CEP72: variants seen among roughly 807,000 people sequenced by gnomAD.
CEP72 encodes centrosomal protein of 72 kDa.
A neutral mutation model predicts 65.7 loss-of-function variants in CEP72; 78 were observed. The ratio of observed to expected loss-of-function variants is 1.19; its 90% confidence interval spans 0.99 to 1.43. The LOEUF is 1.43. CEP72 is among the 40% of genes most tolerant of loss of function. The pLI is 0.00. For missense variants in CEP72, 914 were observed against 832.9 expected, an observed-to-expected ratio of 1.10 and a Z score of -1.20; for synonymous variants, 358 against 351.7, an observed-to-expected ratio of 1.02 and a Z score of -0.20.
intron 11 of CEP72, among the ~76,000 whole-genome samples, chr5:648,648 CTG>C (rs377389987): frequency 0.028 from 2,839 of 99,964 alleles, 268 homozygotes; most frequent in African/African-American, 0.056. Flanking sequence ...TGAGGTGTGA[CTG>C]TGAGGTGTGA....
At chr5:633,074 T>C (rs530179613) in intron 4 of CEP72, among the ~76,000 whole-genome samples, 1 of 63,844 alleles carries the variant, frequency 1.6e-5, no homozygotes, top group Non-Finnish European at 2.8e-5. Flanking sequence ...TTCTGTCCAG[T>C]GCCGGGATTT....
chr5:636,037 A>G (rs984599318), intron 6 of CEP72, among the ~76,000 whole-genome samples: 4 of 151,912 alleles, frequency 2.6e-5, no homozygotes, highest in Non-Finnish European at 4.4e-5. Context: ...TTCACCTCTT[A>G]AAGGCCCTCC....
At chr5:665,938 C>CCA in intron 3 of CEP72, 1 of 1,366,608 alleles carries the variant, frequency 7.3e-7, no homozygotes, top group Admixed American at 2.2e-5. Flanking sequence ...CCACCCCCTC[C>CCA]AGGCCCCGCC....
intron 4 of CEP72, among the ~76,000 whole-genome samples, chr5:628,981 C>A (rs1737020917): frequency 6.7e-6 from 1 of 150,132 alleles, no homozygotes; most frequent in Non-Finnish European, 1.5e-5. Context: ...TTCCCAGGAC[C>A]CAGCCCCCTT....
At chr5:647,134 G>C (rs1322831543) in intron 10 of CEP72, among the ~76,000 whole-genome samples, 2 of 152,230 alleles carry the variant, frequency 1.3e-5, no homozygotes, top group African/African-American at 4.8e-5. Context: ...AGAAGAGCCT[G>C]CCATCCGTGT....
chr5:619,388 C>A (rs1441951328), intron 2 of CEP72, among the ~76,000 whole-genome samples: 1 of 152,210 alleles, frequency 6.6e-6, no homozygotes, highest in Non-Finnish European at 1.5e-5. Flanking sequence ...GGGCCTGGGG[C>A]TGCCTCCTGG....
At chr5:674,132 C>T in the CEP72 span, among the ~76,000 whole-genome samples, 1 of 152,232 alleles carries the variant, frequency 6.6e-6, no homozygotes, top group African/African-American at 2.4e-5. Context: ...CCCAGCCCTT[C>T]TAGGAGCTTC....
At chr5:655,195 T>C (rs1739341457), downstream of CEP72, among the ~76,000 whole-genome samples, 1 of 152,040 alleles carries the variant, frequency 6.6e-6, no homozygotes, top group Non-Finnish European at 1.5e-5. The surrounding 1 kb of genome is among the most constrained non-coding windows in gnomAD (Gnocchi z 5.0). Context: ...ACTCCATCTC[T>C]GCTAAAAATG....
downstream of CEP72, chr5:661,890 A>C (rs930216577): frequency 1.3e-5 from 2 of 152,344 alleles, no homozygotes; most frequent in African/African-American, 4.8e-5. Context: ...ATGTCTGAGA[A>C]AAGCCTGAGG....
the CEP72 span, among the ~76,000 whole-genome samples, chr5:674,559 C>T: frequency 6.6e-6 from 1 of 152,140 alleles, no homozygotes; most frequent in South Asian, 2.1e-4. Context: ...CTGTCTGTGC[C>T]AGAGGCTCTG....
chr5:669,145 C>G (rs995412672), downstream of CEP72, among the ~76,000 whole-genome samples: 4 of 152,202 alleles, frequency 2.6e-5, no homozygotes, highest in African/African-American at 9.6e-5. Flanking sequence ...CTCGCTGTGT[C>G]CGGAGGGGGC....
Position 649,702 on chromosome 5 carries a change from G to C in CEP72, c.1778+1786G>C, listed in dbSNP as rs1272176840. On this transcript the variant is annotated intron_variant, in intron 11 of 11. Coordinates refer to ENST00000264935, the MANE Select transcript of CEP72 (RefSeq NM_018140.4). ...GACTGTGAGGCGTGGACTGTGAGGC[G>C]TGGACTGTGAGGGGTGACCGTGAGG... 4.8e-5 allele frequency among the ~76,000 whole-genome samples: 4 copies of C among 82,928 alleles called. No homozygotes were observed. The Admixed American group carries it at 5.2e-4, about 11-fold the overall frequency. The allele number at this position is 82,928 out of a possible 152,430, so 54.4% of individuals were successfully genotyped here. A position where few individuals can be genotyped will look rare whatever the true frequency, so the allele number is the denominator to read the frequency against.
intron 9 of CEP72, chr5:642,288 CTG>C (rs1368741546): frequency 1.4e-5 from 14 of 984,068 alleles, no homozygotes; most frequent in African/African-American, 1.7e-5. Context: ...CTGGAAGCCT[CTG>C]TATTTAAACA....
chr5:613,003 A>G (rs1483760841), intron 1 of CEP72, among the ~76,000 whole-genome samples: 2 of 152,026 alleles, frequency 1.3e-5, no homozygotes, highest in Non-Finnish European at 2.9e-5. Flanking sequence ...TTCCAGTGAA[A>G]CCATATGGAC....
chr5:663,513 C>G (rs576656430), exon 2 of CEP72: 1 of 152,586 alleles, frequency 6.6e-6, no homozygotes, highest in East Asian at 1.9e-4. Context: ...AGACCGCCCC[C>G]CAGCCCTCAG....
Position 653,248 on chromosome 5 carries a change from G to T in CEP72, c.*95G>T. On this transcript the variant is annotated 3_prime_UTR_variant, in exon 12 of 12. Transcript: ENST00000264935. ...CTTTATTGAGTGTACTGGCTGGCAA[G>T]AGTTCTCTCTTCTGTTGGTAATTAT... 1 of 1,226,296 alleles carries T rather than the reference G, an allele frequency of 8.2e-7. No homozygotes were observed. The highest frequency in any genetic ancestry group is 2.6e-5 in the East Asian group (1 of 37,866). 76.0% of individuals were successfully genotyped at this position (1,226,296 alleles called of 1,614,324 possible). A position where few individuals can be genotyped will look rare whatever the true frequency, so the allele number is the denominator to read the frequency against.
At chr5:675,520 G>C in the CEP72 span, among the ~76,000 whole-genome samples, 541 of 101,412 alleles carry the variant, frequency 5.3e-3, 19 homozygotes, top group African/African-American at 0.022. Context: ...GTGACCAGGG[G>C]TGCAGTGTGG....
In CEP72 at chr5:641,715, A is replaced by G. The variant is rs186861243; in HGVS notation, c.1539+1111A>G. 13 of 983,896 alleles carry G rather than the reference A, an allele frequency of 1.3e-5. No homozygotes were observed. The Admixed American group carries it at 6.2e-4, about 47-fold the overall frequency. The allele number at this position is 983,896 out of a possible 1,614,324, so 60.9% of individuals were successfully genotyped here. On this transcript the variant is annotated intron_variant, in intron 9 of 11. Transcript: ENST00000264935. Reference sequence around the variant, plus strand: ...CCATCCCCCGTCCAGAAGTCTCTGCATTTAAACACACATGGCCCCCCATCC... The same window carrying G: ...CCATCCCCCGTCCAGAAGTCTCTGCGTTTAAACACACATGGCCCCCCATCC...
chr5:637,494 G>T (rs375736186), intron 6 of CEP72, 23 bp from the exon 7 acceptor site: 3 of 1,596,698 alleles, frequency 1.9e-6, no homozygotes, highest in Non-Finnish European at 2.6e-6. Context: ...CCTGACGTGC[G>T]CCCCATCCTC....
Sources: allele counts gnomAD v4.1 joint callset (sites outside exome capture counted in the v4.1 genomes callset), GRCh38; gene constraint gnomAD v4.1.1; non-coding constraint Gnocchi (gnomAD v3.1); transcripts MANE v1.5; gene names NCBI Gene and HGNC (gene_info 2026-07-23, HGNC 2026-07-21).